The following SFMBT2 variants were observed in gnomAD, a reference collection of about 807,000 sequenced individuals.
SFMBT2 encodes the protein Scm like with four mbt domains 2, also known as scm-like with four MBT domains protein 2.
A neutral mutation model predicts 110.1 loss-of-function variants in SFMBT2; 38 were observed. The observed-to-expected ratio is 0.35, with a 90% CI of 0.27 to 0.45. The LOEUF (loss-of-function observed/expected upper bound fraction) is 0.45, where lower values mean the gene tolerates loss of function less well. Ranked by LOEUF, SFMBT2 falls within the 20% of genes least tolerant of loss-of-function variation. The pLI is 1.00. For synonymous variants in SFMBT2, 425 were observed against 425.4 expected (o/e 1.00, Z 0.01); for missense variants, 1,011 against 1,094.9 (o/e 0.92, Z 1.08).
At chr10:7,309,817 TCTGTAACAATGAAAAACCAAAGACAA>T (rs1220598670) in intron 4 of SFMBT2, among the ~76,000 whole-genome samples, 2 of 152,120 alleles carry the variant, frequency 1.3e-5, no homozygotes, top group Non-Finnish European at 2.9e-5. Context: ...GAGGTGGGTG[TCTGTAACAATGAAAAACCAAAGACAA>T]TTCAGCCAGA....
intron 10 of SFMBT2, 42 bp downstream of exon 10, chr10:7,227,813 A>T (rs571187669): frequency 6.4e-7 from 1 of 1,566,868 alleles, no homozygotes; most frequent in South Asian, 1.1e-5. Flanking sequence ...GGTAGACAAA[A>T]TCTATGATTT....
At chr10:7,290,923 A>T (rs1472027744) in intron 4 of SFMBT2, among the ~76,000 whole-genome samples, 3 of 152,258 alleles carry the variant, frequency 2.0e-5, no homozygotes, top group Admixed American at 1.3e-4. Context: ...GAATTTGGGA[A>T]AATACCACTA....
intron 4 of SFMBT2, among the ~76,000 whole-genome samples, chr10:7,365,348 T>C (rs942149180): frequency 3.3e-5 from 5 of 152,366 alleles, no homozygotes; most frequent in African/African-American, 1.2e-4. Flanking sequence ...TAACAATGAC[T>C]GTTCTTTTCC....
intron 4 of SFMBT2, among the ~76,000 whole-genome samples, chr10:7,366,963 G>A (rs750196653): frequency 2.6e-5 from 4 of 152,152 alleles, no homozygotes; most frequent in Non-Finnish European, 4.4e-5. Flanking sequence ...TGCCCCCGGA[G>A]AGAATAGTGG....
At chr10:7,261,105 C>T (rs1447802186) in intron 7 of SFMBT2, among the ~76,000 whole-genome samples, 1 of 152,086 alleles carries the variant, frequency 6.6e-6, no homozygotes, top group Non-Finnish European at 1.5e-5. Context: ...CTGTGCCTCT[C>T]GAGTCAGGTT....
At position 7,206,618 on chromosome 10, in the gene SFMBT2, G is replaced by A. The variant is rs926952859; in HGVS notation, c.1331-690C>T. 3.1e-6 allele frequency: 3 copies of A among 972,924 alleles called. No individual in the cohort carries two copies. In the African/African-American group the frequency reaches 5.3e-5, roughly 17 times the overall value. 60.3% of individuals were successfully genotyped at this position (972,924 alleles called of 1,614,324 possible). On this transcript the variant is annotated intron_variant, in intron 11 of 20. Coordinates refer to ENST00000397167, the MANE Select transcript of SFMBT2 (RefSeq NM_001387889.1). The stretch of plus-strand genomic sequence containing the variant: ...TCTAAAAGATCCCACTAAAATGTGG[G>A]ACCTGATGACTGTCACATCCTATTT...
chr10:7,232,030 G>C (rs1242507177), intron 9 of SFMBT2, among the ~76,000 whole-genome samples: 1 of 152,188 alleles, frequency 6.6e-6, no homozygotes, highest in Non-Finnish European at 1.5e-5. Flanking sequence ...GAAAACAGCA[G>C]AGGGGAGAAG....
In SFMBT2 at chr10:7,186,984, T is replaced by C. The variant is rs185654171; in HGVS notation, c.1808+1640A>G. 6.4e-3 allele frequency among the ~76,000 whole-genome samples: 977 copies of C among 152,358 alleles called. 8 individuals are homozygous for C. The highest frequency in any genetic ancestry group is 9.7e-3 in the Admixed American group (148 of 15,300). Reference sequence around the variant, plus strand: ...GTCATATTTGATATAATAGGTAATATGCTGCCTTTACAATTCAGTAGAGCT... The same window carrying C: ...GTCATATTTGATATAATAGGTAATACGCTGCCTTTACAATTCAGTAGAGCT... On this transcript the variant is annotated intron_variant, in intron 16 of 20. Coordinates refer to ENST00000397167, the MANE Select transcript of SFMBT2 (RefSeq NM_001387889.1).
chr10:7,178,267 G>A (rs1359256088), intron 16 of SFMBT2, among the ~76,000 whole-genome samples: 2 of 152,050 alleles, frequency 1.3e-5, no homozygotes, highest in Non-Finnish European at 2.9e-5. Flanking sequence ...TTTCTCTGAG[G>A]TCCTCCTTAA....
intron 8 of SFMBT2, among the ~76,000 whole-genome samples, chr10:7,247,424 T>C (rs1840654824): frequency 6.6e-6 from 1 of 152,156 alleles, no homozygotes; most frequent in Admixed American, 6.6e-5. Context: ...GCTCCGAAAG[T>C]TATCCTTGAA....
chr10:7,228,722 T>G, intron 9 of SFMBT2, among the ~76,000 whole-genome samples: 1 of 123,842 alleles, frequency 8.1e-6, no homozygotes, highest in South Asian at 2.5e-4. Context: ...TTTCTTTCTT[T>G]CTTTCTTTCT....
intron 7 of SFMBT2, among the ~76,000 whole-genome samples, chr10:7,251,254 T>A (rs1840798600): frequency 6.6e-6 from 1 of 151,466 alleles, no homozygotes; most frequent in Middle Eastern, 3.2e-3. Context: ...GGCAGGCAGA[T>A]CACGAGGTCA....
In SFMBT2 at chr10:7,207,004, T is replaced by C. The variant is rs952068770; in HGVS notation, c.1331-1076A>G. On this transcript the variant is annotated intron_variant, in intron 11 of 20. Transcript: ENST00000397167. ...ACTTTGGGAGGCCAAGGCCAGCAAATTGCTTGAGCCTAGGAGTTCAAGATC... is the reference window on the plus strand; with the variant it reads ...ACTTTGGGAGGCCAAGGCCAGCAAACTGCTTGAGCCTAGGAGTTCAAGATC... 15 of 802,250 alleles carry C rather than the reference T, an allele frequency of 1.9e-5. No homozygotes were observed. The East Asian group carries it at 3.8e-4, about 20-fold the overall frequency. The allele number at this position is 802,250 out of a possible 1,614,324, so 49.7% of individuals were successfully genotyped here.
chr10:7,256,960 T>C (rs1841026205), intron 7 of SFMBT2, among the ~76,000 whole-genome samples: 3 of 151,616 alleles, frequency 2.0e-5, no homozygotes, highest in African/African-American at 7.3e-5. Context: ...GGCGTGGCGG[T>C]GGGCGCCTGT....
chr10:7,200,373 C>A (rs377440578), intron 14 of SFMBT2, 41 bp downstream of exon 14: 1 of 1,473,790 alleles, frequency 6.8e-7, no homozygotes, highest in Non-Finnish European at 9.1e-7. Context: ...CCCGGCTGCA[C>A]GGTGGGAAGG....
chr10:7,363,664 T>G (rs1036179677), intron 4 of SFMBT2, among the ~76,000 whole-genome samples: 3 of 152,128 alleles, frequency 2.0e-5, no homozygotes, highest in Non-Finnish European at 4.4e-5. Context: ...TTTTTCTTTA[T>G]AAATTACCAG....
At chr10:7,215,539 GGGC>G in intron 11 of SFMBT2, 1 of 985,322 alleles carries the variant, frequency 1.0e-6, no homozygotes, top group Non-Finnish European at 1.2e-6. Context: ...CTGTACATGG[GGGC>G]TCCAGGGCAC....
At chr10:7,206,042 TAAAAAA>T (rs1839126349) in intron 11 of SFMBT2, 114 bp from the exon 12 acceptor site, 1 of 1,418,594 alleles carries the variant, frequency 7.0e-7, no homozygotes, top group Non-Finnish European at 9.2e-7. Flanking sequence ...CTTTATACAT[TAAAAAA>T]CAAAAACAAA....
chr10:7,393,017 ATATATATATATATATATAATTTTT>A (rs1393436013), intron 1 of SFMBT2, among the ~76,000 whole-genome samples: 3 of 73,460 alleles, frequency 4.1e-5, no homozygotes, highest in Non-Finnish European at 7.3e-5. Flanking sequence ...ATATATATAT[ATATATATATATATATATAATTTTT>A]TTTTTTTTGA....
Sources: gnomAD v4.1 joint callset for allele counts (sites outside exome capture counted in the v4.1 genomes callset) on GRCh38, gnomAD v4.1.1 for gene constraint, MANE v1.5 for transcripts, NCBI Gene and HGNC (gene_info 2026-07-23, HGNC 2026-07-21) for gene names.